CATSPERE: variants seen among roughly 807,000 people sequenced by gnomAD.
CATSPERE encodes the protein cation channel sperm-associated auxiliary subunit epsilon.
A neutral mutation model predicts 114.1 loss-of-function variants in CATSPERE; 93 were observed. That is an observed-to-expected ratio of 0.81 (90% CI 0.69 to 0.97). The LOEUF (loss-of-function observed/expected upper bound fraction) is 0.97, where lower values mean the gene tolerates loss of function less well. Among genes scored for constraint, CATSPERE ranks in the 50% least tolerant of loss-of-function variants. The pLI, the probability that CATSPERE is intolerant of heterozygous loss-of-function variation, is 0.00. For missense variants in CATSPERE, 1,058 were observed against 1,131.6 expected, an observed-to-expected ratio of 0.93 and a Z score of 0.93; for synonymous variants, 341 against 384.1, an observed-to-expected ratio of 0.89 and a Z score of 1.31.
At chr1:244,610,917 C>T (rs971478694) in intron 19 of CATSPERE, among the ~76,000 whole-genome samples, 9 of 152,060 alleles carry the variant, frequency 5.9e-5, no homozygotes, top group South Asian at 2.1e-4. Context: ...TGTGCCACCA[C>T]GCCTGGCTAA....
chr1:244,542,107 T>A (rs1297530412), intron 8 of CATSPERE, among the ~76,000 whole-genome samples: 1 of 149,248 alleles, frequency 6.7e-6, no homozygotes, highest in African/African-American at 2.5e-5. Flanking sequence ...TGTATACATA[T>A]GTAACAAACC....
At chr1:244,464,476 G>C (rs1667286671) in intron 2 of CATSPERE, among the ~76,000 whole-genome samples, 1 of 152,132 alleles carries the variant, frequency 6.6e-6, no homozygotes, top group South Asian at 2.1e-4. Flanking sequence ...ACTGGAATGA[G>C]TGTCCTCTAT....
intron 17 of CATSPERE, among the ~76,000 whole-genome samples, chr1:244,595,759 G>T (rs1026748419): frequency 6.6e-6 from 1 of 152,082 alleles, no homozygotes; most frequent in Non-Finnish European, 1.5e-5. Flanking sequence ...GTGAAACCCT[G>T]TCTCTACTAA....
intron 8 of CATSPERE, among the ~76,000 whole-genome samples, chr1:244,527,143 T>G (rs530868011): frequency 6.6e-6 from 1 of 152,276 alleles, no homozygotes; most frequent in South Asian, 2.1e-4. Flanking sequence ...AGACAGGGTT[T>G]GAGAGCAGAC....
chr1:244,613,964 A>T (rs961133824), intron 19 of CATSPERE, among the ~76,000 whole-genome samples: 4 of 152,188 alleles, frequency 2.6e-5, no homozygotes, highest in Admixed American at 2.0e-4. Context: ...CAGTTTTATC[A>T]CAATAGGAAG....
rs546222429 is a variant in CATSPERE, at chr1:244,498,303, A to G, written c.352-699A>G. On this transcript the variant is annotated intron_variant, in intron 6 of 21. Coordinates refer to ENST00000366534, the MANE Select transcript of CATSPERE (RefSeq NM_001130957.2). Reference sequence around the variant, plus strand: ...TAAAAGGGATGAAAATAATATATCTATTGGTTATACACAAACATTTTATAG... The same window carrying G: ...TAAAAGGGATGAAAATAATATATCTGTTGGTTATACACAAACATTTTATAG... Among the ~76,000 whole-genome samples, 41 of 152,344 alleles carry G rather than the reference A, an allele frequency of 2.7e-4. 1 individual carries two copies. Among genetic ancestry groups the G allele is most frequent in the African/African-American group, 9.6e-4 (40 of 41,566 alleles).
At chr1:244,611,744 G>A (rs560774890) in intron 19 of CATSPERE, among the ~76,000 whole-genome samples, 7 of 152,256 alleles carry the variant, frequency 4.6e-5, no homozygotes, top group African/African-American at 1.4e-4. Flanking sequence ...TGATAGGTGA[G>A]GATGATATCC....
intron 8 of CATSPERE, among the ~76,000 whole-genome samples, chr1:244,537,746 T>C (rs1276950582): frequency 6.6e-6 from 1 of 152,210 alleles, no homozygotes; most frequent in African/African-American, 2.4e-5. Flanking sequence ...CTTTTAAATT[T>C]TGTTAAGGTG....
At position 244,479,793 on chromosome 1, in the gene CATSPERE, T is replaced by C. The variant is rs750588333; in HGVS notation, c.326+9T>C. The stretch of plus-strand genomic sequence containing the variant: ...TGGTACTATAGAGTTAGGTAAGTAA[T>C]GCAGTACTGAATAGGTAATTATGCT... On this transcript the variant is annotated intron_variant, in intron 5 of 21. Coordinates refer to ENST00000366534, the MANE Select transcript of CATSPERE (RefSeq NM_001130957.2). 17 of 1,499,274 alleles carry C rather than the reference T, an allele frequency of 1.1e-5. No individual in the cohort carries two copies. Among genetic ancestry groups the C allele is most frequent in the Admixed American group, 3.6e-5 (2 of 56,308 alleles). 92.9% of individuals were successfully genotyped at this position (1,499,274 alleles called of 1,614,324 possible).
At chr1:244,542,554 C>T (rs930508501) in intron 8 of CATSPERE, among the ~76,000 whole-genome samples, 1 of 152,028 alleles carries the variant, frequency 6.6e-6, no homozygotes, top group African/African-American at 2.4e-5. Context: ...TTGTTTAGCT[C>T]CCACTTACTT....
intron 20 of CATSPERE, among the ~76,000 whole-genome samples, chr1:244,630,910 T>C (rs2148746129): frequency 6.6e-6 from 1 of 152,336 alleles, no homozygotes; most frequent in South Asian, 2.1e-4. Context: ...CAATTGAATA[T>C]GACCTAGAGT....
rs553369390 is a variant in CATSPERE at position 244,512,482 on chromosome 1, G to A, written c.430-6110G>A. Among the ~76,000 whole-genome samples, 50 of 151,862 alleles carry A rather than the reference G, an allele frequency of 3.3e-4. 1 individual carries two copies. Among genetic ancestry groups the A allele is most frequent in the African/African-American group, 1.2e-3 (48 of 41,440 alleles). Reference sequence around the variant, plus strand: ...TTGTGTTGTTTATTTGTGTTCTCTTGTATCTCACTAAGTTTCTTTTTTTCC... The same window carrying A: ...TTGTGTTGTTTATTTGTGTTCTCTTATATCTCACTAAGTTTCTTTTTTTCC... On this transcript the variant is annotated intron_variant, in intron 7 of 21. Transcript: ENST00000366534.
chr1:244,633,754 C>T lies in CATSPERE; in HGVS notation c.2649-1735C>T, dbSNP rs1018482728. Among the ~76,000 whole-genome samples the T allele has an allele frequency of 2.6e-5, 4 of 152,214 alleles. No individual in the cohort carries two copies. The highest frequency in any genetic ancestry group is 9.6e-5 in the African/African-American group (4 of 41,542). On this transcript the variant is annotated intron_variant, in intron 20 of 21. Transcript: ENST00000366534. This position sits in a 1 kb window ranked among gnomAD's most constrained non-coding sequence, Gnocchi z 4.1. ...CCAAACCTTTGCTCATCTCTCCCTACACCTGGAATGCCCTAACCCTTCATC... is the reference window on the plus strand; with the variant it reads ...CCAAACCTTTGCTCATCTCTCCCTATACCTGGAATGCCCTAACCCTTCATC...
intron 20 of CATSPERE, among the ~76,000 whole-genome samples, chr1:244,625,434 T>TATATA (rs1558619128): frequency 4.7e-5 from 1 of 21,124 alleles, no homozygotes; most frequent in African/African-American, 2.3e-4. Context: ...ATATATATAT[T>TATATA]TTTTTTTTTT....
rs767340084 is a variant in CATSPERE, at chr1:244,620,719, A to C, written c.2648+3033A>C. On this transcript the variant is annotated intron_variant, in intron 20 of 21. Coordinates refer to ENST00000366534, the MANE Select transcript of CATSPERE (RefSeq NM_001130957.2). ...ACATACACCTTTTAAATGCGTGGCC[A>C]CATTGATAGGAAACTGAGGGGATTA... Among the ~76,000 whole-genome samples the C allele has an allele frequency of 5.5e-4, 83 of 152,072 alleles. 1 individual carries two copies. Among genetic ancestry groups the C allele is most frequent in the Non-Finnish European group, 1.3e-4 (9 of 67,982 alleles).
chr1:244,509,993 G>GT (rs1437596583), intron 7 of CATSPERE, among the ~76,000 whole-genome samples: 6 of 151,998 alleles, frequency 3.9e-5, no homozygotes, highest in Non-Finnish European at 8.8e-5. Flanking sequence ...CTAAGTAGCA[G>GT]TTTATCGATT....
intron 10 of CATSPERE, among the ~76,000 whole-genome samples, chr1:244,567,339 G>A (rs184952862): frequency 8.5e-5 from 13 of 152,090 alleles, no homozygotes; most frequent in South Asian, 2.1e-4. Flanking sequence ...GTTGCTCTTC[G>A]CGAGGAGTAT....
At chr1:244,563,695 C>A (rs756865163) in intron 10 of CATSPERE, among the ~76,000 whole-genome samples, 3 of 152,148 alleles carry the variant, frequency 2.0e-5, no homozygotes, top group Non-Finnish European at 2.9e-5. Flanking sequence ...AATTTTCTCC[C>A]ATTCTGTAGG....
intron 8 of CATSPERE, among the ~76,000 whole-genome samples, chr1:244,543,342 G>A (rs1659174234): frequency 6.6e-6 from 1 of 151,956 alleles, no homozygotes; most frequent in South Asian, 2.1e-4. Flanking sequence ...AACAACATAG[G>A]GAAACCCGAA....
Sources: gnomAD v4.1 joint callset for allele counts (sites outside exome capture counted in the v4.1 genomes callset) on GRCh38, gnomAD v4.1.1 for gene constraint, Gnocchi (gnomAD v3.1) non-coding constraint, MANE v1.5 for transcripts, NCBI Gene and HGNC (gene_info 2026-07-23, HGNC 2026-07-21) for gene names.